PPP5C: variants seen among roughly 807,000 people sequenced by gnomAD.
PPP5C encodes the protein protein phosphatase 5 catalytic subunit, also known as serine/threonine-protein phosphatase 5.
Under a neutral mutation model 66.7 loss-of-function variants are expected in PPP5C, and 21 were observed. That is an observed-to-expected ratio of 0.31 (90% confidence interval 0.22 to 0.45). The LOEUF (loss-of-function observed/expected upper bound fraction) is 0.45. Among genes scored for constraint, PPP5C ranks in the 20% least tolerant of loss-of-function variants. The pLI, the probability that PPP5C is intolerant of heterozygous loss-of-function variation, is 1.00. For synonymous variants in PPP5C, 246 were observed against 257.4 expected (o/e 0.96, Z 0.43); for missense variants, 464 against 675.9 (o/e 0.69, Z 3.48).
Position 46,376,720 on chromosome 19 carries a change from G to A in PPP5C, c.633+146G>A, listed in dbSNP as rs554559372. On this transcript the variant is annotated intron_variant, in intron 4 of 12. Transcript: ENST00000012443. The surrounding 1 kb of genome is among the most constrained non-coding windows in gnomAD (Gnocchi z 5.1). ...GGAGTCGTGTGCCGGACACTGTGCC[G>A]AGGGCTTACCACATGATCTCATCTC... The A allele has an allele frequency of 1.7e-4, 202 of 1,159,190 alleles. 4 individuals are homozygous for A. The South Asian group carries it at 2.8e-3, about 16-fold the overall frequency. The allele number at this position is 1,159,190 out of a possible 1,614,324, so 71.8% of individuals were successfully genotyped here.
At chr19:46,385,669 G>T (rs1470656382) in intron 7 of PPP5C, among the ~76,000 whole-genome samples, 2 of 152,010 alleles carry the variant, frequency 1.3e-5, no homozygotes, top group Admixed American at 1.3e-4. Flanking sequence ...AATCCCAGCT[G>T]CCTGGGAGGC....
In PPP5C at chr19:46,388,820, T is replaced by C; in HGVS notation, c.1355+89T>C. 1.4e-6 allele frequency: 2 copies of C among 1,477,118 alleles called. No homozygotes were observed. The highest frequency in any genetic ancestry group is 1.8e-6 in the Non-Finnish European group (2 of 1,083,312). The allele number at this position is 1,477,118 out of a possible 1,614,324, so 91.5% of individuals were successfully genotyped here. A position where few individuals can be genotyped will look rare whatever the true frequency, so the allele number is the denominator to read the frequency against. ...TTTTGCCTTTTTATGATGGAACATTTCAAAGACAGGCAAGAGCAGATAAAA... is the reference window on the plus strand; with the variant it reads ...TTTTGCCTTTTTATGATGGAACATTCCAAAGACAGGCAAGAGCAGATAAAA... On this transcript the variant is annotated intron_variant, in intron 11 of 12. Transcript: ENST00000012443. The surrounding 1 kb of genome is among the most constrained non-coding windows in gnomAD (Gnocchi z 4.9).
In PPP5C at chr19:46,366,489, G is replaced by A. The variant is rs1280151777; in HGVS notation, c.364-9115G>A. Among the ~76,000 whole-genome samples, 9 of 152,236 alleles carry A rather than the reference G, an allele frequency of 5.9e-5. No homozygotes were observed. In the East Asian group the frequency reaches 1.5e-3, roughly 26 times the overall value. On this transcript the variant is annotated intron_variant, in intron 2 of 12. Transcript: ENST00000012443. ...GCCTCCCAAGTAGCTGGGACTGCAA[G>A]TGCATGCCACCGTGCCTGGCTAATT... is the stretch of plus-strand genomic sequence containing the variant.
At chr19:46,387,753 C>T (rs1300137222) in intron 9 of PPP5C, 2 of 1,330,708 alleles carry the variant, frequency 1.5e-6, no homozygotes, top group Non-Finnish European at 1.9e-6. Context: ...TCTTGGGGCT[C>T]CTGTGCTAGT....
At chr19:46,356,138 C>G (rs766919991) in intron 2 of PPP5C, among the ~76,000 whole-genome samples, 88 of 152,182 alleles carry the variant, frequency 5.8e-4, no homozygotes, top group African/African-American at 2.0e-3. Context: ...CCAGGCCTGG[C>G]GGATGGCAGG....
At chr19:46,359,294 G>C (rs528618823) in intron 2 of PPP5C, among the ~76,000 whole-genome samples, 2 of 152,210 alleles carry the variant, frequency 1.3e-5, no homozygotes, top group South Asian at 4.2e-4. Flanking sequence ...CTAGTCTTCA[G>C]AATACCATGA....
At position 46,387,365 on chromosome 19, in the gene PPP5C, G is replaced by C; in HGVS notation, c.1048-1G>C. ...CACAGCGGCATCCCCCATCTCCCCAGATCATGCACGGAGGCCTGTTCAGTG... is the reference window on the plus strand; with the variant it reads ...CACAGCGGCATCCCCCATCTCCCCACATCATGCACGGAGGCCTGTTCAGTG... On this transcript the variant is annotated splice_acceptor_variant, in intron 8 of 12. Transcript: ENST00000012443. LOFTEE classifies it high-confidence loss of function. 6.2e-7 allele frequency: 1 copy of C among 1,607,762 alleles called. No homozygotes were observed. The highest frequency in any genetic ancestry group is 8.5e-7 in the Non-Finnish European group (1 of 1,174,898).
At chr19:46,380,894 TG>T (rs1173358561) in intron 4 of PPP5C, among the ~76,000 whole-genome samples, 1 of 152,214 alleles carries the variant, frequency 6.6e-6, no homozygotes, top group African/African-American at 2.4e-5. Flanking sequence ...TTTGAGTCTG[TG>T]GGTTAATATC....
chr19:46,384,855 C>T lies in PPP5C; in HGVS notation c.850C>T (p.Leu284Phe). The T allele has an allele frequency of 6.2e-7, 1 of 1,614,154 alleles. No individual in the cohort carries two copies. Among genetic ancestry groups the T allele is most frequent in the African/African-American group, 1.3e-5 (1 of 75,044 alleles). ...AGGCTCCTTCTCTGTAGAAGTGATC[C>T]TCACCCTTTTCGGCTTCAAGCTCCT... Reference protein sequence around the residue: ...DRGSFSVEVILTLFGFKLLYP... With the variant: ...DRGSFSVEVIFTLFGFKLLYP... Residue 284 changes from leucine (L) to phenylalanine (F), a missense_variant, in exon 7 of 13, where the codon CTC becomes TTC. Leu to Phe is a conservative substitution (Grantham distance 22). Around this residue, in one of 2 missense-constraint regions of PPP5C, gnomAD observed 387 missense variants for 626.0 expected, o/e 0.62. Transcript: ENST00000012443.
chr19:46,375,732 G>A lies in PPP5C; in HGVS notation c.492G>A (p.Ser164=), dbSNP rs4239538. The change falls in exon 3 of 13, where the codon TCG becomes TCA. Residue 164 remains serine (S), a synonymous_variant. Transcript: ENST00000012443. ...GDEHKRSVVD[S]LDIESMTIED... ...AGCACAAGCGCTCCGTGGTGGACTC[G>A]CTGGACATCGAGAGCATGAGTGAGT... 0.27 allele frequency: 425,174 copies of A among 1,601,346 alleles called. 55,404 individuals carry two copies. The highest frequency in any genetic ancestry group is 0.3 in the Non-Finnish European group (351,732 of 1,173,184).
chr19:46,386,876 T>C (rs1356788716), intron 7 of PPP5C: 3 of 649,772 alleles, frequency 4.6e-6, no homozygotes, highest in Non-Finnish European at 7.8e-6. Context: ...CCCAAAGTGC[T>C]GGAATTATAG....
In PPP5C at chr19:46,388,867, A is replaced by ATG. The variant is rs1051861104; in HGVS notation, c.1355+140_1355+141dup. 2.8e-6 allele frequency: 3 copies of ATG among 1,088,732 alleles called. No homozygotes were observed. The highest frequency in any genetic ancestry group is 2.6e-6 in the Non-Finnish European group (2 of 767,040). The allele number at this position is 1,088,732 out of a possible 1,614,324, so 67.4% of individuals were successfully genotyped here. A position where few individuals can be genotyped will look rare whatever the true frequency, so the allele number is the denominator to read the frequency against. On this transcript the variant is annotated intron_variant, in intron 11 of 12. Transcript: ENST00000012443. This position sits in a 1 kb window ranked among gnomAD's most constrained non-coding sequence, Gnocchi z 4.9. The stretch of plus-strand genomic sequence containing the variant: ...AAAAGAACATGACGAACACCCCCGT[A>ATG]TGTGTCACCCACCCATGCAGCACCA...
chr19:46,382,506 T>G (rs2147397941), intron 4 of PPP5C: 1 of 152,380 alleles, frequency 6.6e-6, no homozygotes, highest in South Asian at 2.1e-4. Context: ...ATTTTGGAAA[T>G]CGTCAGACCT....
intron 2 of PPP5C, among the ~76,000 whole-genome samples, chr19:46,366,816 C>T (rs1972498925): frequency 6.6e-6 from 1 of 152,200 alleles, no homozygotes; most frequent in Non-Finnish European, 1.5e-5. Flanking sequence ...CCACGTAGCA[C>T]GTGGCTTCAG....
intron 4 of PPP5C, chr19:46,382,550 T>A (rs1972811089): frequency 6.5e-6 from 1 of 152,686 alleles, no homozygotes; most frequent in South Asian, 2.1e-4. Flanking sequence ...AGTTAACATC[T>A]GTCCACCCTT....
intron 7 of PPP5C, among the ~76,000 whole-genome samples, chr19:46,386,034 C>T (rs566308852): frequency 1.1e-4 from 17 of 151,546 alleles, no homozygotes; most frequent in Admixed American, 4.6e-4. Context: ...AAAGAGGGAA[C>T]GAAAGGGGCC....
chr19:46,377,183 G>A (rs983386601), intron 4 of PPP5C, among the ~76,000 whole-genome samples: 2 of 152,196 alleles, frequency 1.3e-5, no homozygotes, highest in Admixed American at 1.3e-4. Context: ...ACTCTTACAG[G>A]AGTGTGCAGG....
Position 46,347,114 on chromosome 19 carries a change from C to A in PPP5C, c.18C>A (p.Gly6=). The part of the protein sequence containing the change: MAMAE[G]ERTECAEPPR... ...TTTGCGGCATGGCGATGGCGGAGGG[C>A]GAGAGGACTGAGTGTGCTGAGCCCC... Residue 6 remains glycine (G), a synonymous_variant, in exon 1 of 13, where the codon GGC becomes GGA. Coordinates refer to ENST00000012443, the MANE Select transcript of PPP5C (RefSeq NM_006247.4). The A allele has an allele frequency of 1.2e-6, 2 of 1,603,434 alleles. No individual in the cohort carries two copies. Among genetic ancestry groups the A allele is most frequent in the Non-Finnish European group, 1.7e-6 (2 of 1,175,452 alleles).
intron 2 of PPP5C, among the ~76,000 whole-genome samples, chr19:46,363,676 C>T (rs893328394): frequency 3.3e-5 from 5 of 151,948 alleles, no homozygotes; most frequent in Admixed American, 6.6e-5. Context: ...GATCTGCCCC[C>T]GCTCAGCCTC....
Sources: allele counts gnomAD v4.1 joint callset (sites outside exome capture counted in the v4.1 genomes callset), GRCh38; gene constraint gnomAD v4.1.1; regional missense constraint gnomAD v4.1.1; non-coding constraint Gnocchi (gnomAD v3.1); transcripts MANE v1.5; gene names NCBI Gene and HGNC (gene_info 2026-07-23, HGNC 2026-07-21).